NKAIN3: variants seen among roughly 807,000 people sequenced by gnomAD.
NKAIN3 encodes the protein sodium/potassium-transporting ATPase subunit beta-1-interacting protein 3.
In NKAIN3, 25 loss-of-function variants were observed where a neutral mutation model predicts 30.2. The observed-to-expected ratio is 0.83, with a 90% CI of 0.60 to 1.16. NKAIN3 has a LOEUF of 1.16. Among genes scored for constraint, NKAIN3 ranks in the 50% most tolerant of loss-of-function variants. The probability of loss-of-function intolerance (pLI) is 0.00; values close to 1 mark genes in which losing one functional copy is unlikely to be tolerated. For synonymous variants in NKAIN3, 91 were observed against 89.6 expected (o/e 1.02, Z -0.09); for missense variants, 225 against 254.1 (o/e 0.89, Z 0.78).
At chr8:62,783,531 A>G (rs1352111935) in intron 4 of NKAIN3, among the ~76,000 whole-genome samples, 1 of 152,038 alleles carries the variant, frequency 6.6e-6, no homozygotes, top group Non-Finnish European at 1.5e-5. Context: ...AGACCTCCAC[A>G]ACACTAGCAA....
chr8:62,859,468 T>C lies in NKAIN3; in HGVS notation c.472-58985T>C, dbSNP rs556284101. On this transcript the variant is annotated intron_variant, in intron 4 of 6. Coordinates refer to ENST00000623646, the MANE Select transcript of NKAIN3 (RefSeq NM_001304533.3). ...CCTGCACCAGCCATCCTATCTATTC[T>C]TAGTAACCCAGATAACTTTTTCTAT... Among the ~76,000 whole-genome samples the C allele has an allele frequency of 2.3e-5, 3 of 127,906 alleles. No homozygotes were observed. The South Asian group carries it at 8.3e-4, about 35-fold the overall frequency. The allele number at this position is 127,906 out of a possible 152,430, so 83.9% of individuals were successfully genotyped here.
chr8:62,853,158 T>G (rs962879526), intron 4 of NKAIN3, among the ~76,000 whole-genome samples: 2 of 152,212 alleles, frequency 1.3e-5, no homozygotes, highest in African/African-American at 2.4e-5. Context: ...TGCATATATA[T>G]GTAGAATAGT....
chr8:62,717,662 ATTTG>A (rs1280281595), intron 3 of NKAIN3, among the ~76,000 whole-genome samples: 5 of 152,162 alleles, frequency 3.3e-5, no homozygotes, highest in Admixed American at 6.5e-5. Flanking sequence ...TAGTTTTATT[ATTTG>A]TTATGTATGT....
At chr8:62,839,314 A>C (rs1819462406) in intron 4 of NKAIN3, among the ~76,000 whole-genome samples, 1 of 151,940 alleles carries the variant, frequency 6.6e-6, no homozygotes. Flanking sequence ...AAAAAAAAAA[A>C]AACAAAAACG....
chr8:62,526,844 G>T (rs548372197), intron 1 of NKAIN3, among the ~76,000 whole-genome samples: 1 of 152,056 alleles, frequency 6.6e-6, no homozygotes, highest in Non-Finnish European at 1.5e-5. Context: ...GGCTTAGCCC[G>T]CAGCGATCAG....
At chr8:62,600,207 G>T (rs1810948919) in intron 3 of NKAIN3, among the ~76,000 whole-genome samples, 1 of 151,968 alleles carries the variant, frequency 6.6e-6, no homozygotes, top group Non-Finnish European at 1.5e-5. Flanking sequence ...TAGTCTTAGA[G>T]AATTTTCAAT....
intron 1 of NKAIN3, among the ~76,000 whole-genome samples, chr8:62,560,650 C>A (rs1290036722): frequency 1.3e-5 from 2 of 150,102 alleles, no homozygotes; most frequent in Non-Finnish European, 3.0e-5. Context: ...AGCAATTCTC[C>A]TGCCTCAGCC....
At chr8:62,923,634 A>T (rs150228366) in intron 5 of NKAIN3, among the ~76,000 whole-genome samples, 2 of 152,336 alleles carry the variant, frequency 1.3e-5, no homozygotes, top group East Asian at 3.9e-4. Flanking sequence ...AAACTCCTGG[A>T]CAAGACACTG....
chr8:62,526,243 G>A (rs1209050108), intron 1 of NKAIN3, among the ~76,000 whole-genome samples: 1 of 151,912 alleles, frequency 6.6e-6, no homozygotes, highest in Non-Finnish European at 1.5e-5. Flanking sequence ...ATATTTCAAG[G>A]GTTATTACAA....
chr8:62,855,264 G>C (rs1253959575), intron 4 of NKAIN3: 1 of 470,636 alleles, frequency 2.1e-6, no homozygotes, highest in East Asian at 4.4e-5. Context: ...CTGCCAGCCT[G>C]GCCACAGTGT....
intron 6 of NKAIN3, among the ~76,000 whole-genome samples, chr8:62,959,962 G>A (rs1823525362): frequency 6.6e-6 from 1 of 152,042 alleles, no homozygotes; most frequent in Non-Finnish European, 1.5e-5. Context: ...AGGACTCGTT[G>A]CTTTCTCTAG....
At chr8:62,272,915 A>C (rs900492) in intron 1 of NKAIN3, among the ~76,000 whole-genome samples, 100,181 of 152,112 alleles carry the variant, frequency 0.66, 33,278 homozygotes, top group African/African-American at 0.74. Context: ...TCAGTCTGAG[A>C]ATCCATCATT....
At chr8:62,535,257 T>A (rs767062707) in intron 1 of NKAIN3, among the ~76,000 whole-genome samples, 2 of 152,290 alleles carry the variant, frequency 1.3e-5, no homozygotes, top group Non-Finnish European at 2.9e-5. Context: ...ACTCTCTCTG[T>A]GTTTTCTATT....
At chr8:62,870,275 T>G (rs1820579517) in intron 4 of NKAIN3, among the ~76,000 whole-genome samples, 1 of 95,344 alleles carries the variant, frequency 1.0e-5, no homozygotes, top group African/African-American at 3.8e-5. Flanking sequence ...TATATAGATA[T>G]ATATAAATAT....
At chr8:62,320,253 T>C (rs2129589332) in intron 1 of NKAIN3, among the ~76,000 whole-genome samples, 1 of 152,332 alleles carries the variant, frequency 6.6e-6, no homozygotes, top group Admixed American at 6.5e-5. Context: ...GTTTCCTGAA[T>C]ACAGCGCACT....
chr8:62,541,489 T>C (rs886927600), intron 1 of NKAIN3, among the ~76,000 whole-genome samples: 4 of 152,160 alleles, frequency 2.6e-5, no homozygotes, highest in African/African-American at 4.8e-5. Flanking sequence ...TTTGGAGTAA[T>C]TTTCATTCAT....
At chr8:62,939,394 A>T (rs956273483) in intron 5 of NKAIN3, among the ~76,000 whole-genome samples, 1 of 152,164 alleles carries the variant, frequency 6.6e-6, no homozygotes, top group Non-Finnish European at 1.5e-5. Flanking sequence ...AATACAAAAA[A>T]CTCAAAGAAT....
intron 2 of NKAIN3, among the ~76,000 whole-genome samples, chr8:62,586,229 TCA>T (rs1172665386): frequency 6.6e-6 from 1 of 152,152 alleles, no homozygotes; most frequent in Non-Finnish European, 1.5e-5. Context: ...CATTCTTGAG[TCA>T]CTGCTCAACA....
intron 1 of NKAIN3, among the ~76,000 whole-genome samples, chr8:62,312,121 C>T (rs1277918503): frequency 6.6e-6 from 1 of 150,384 alleles, no homozygotes; most frequent in Non-Finnish European, 1.5e-5. Context: ...GTCAACATGA[C>T]TTCAAAGAGA....
Sources: gnomAD v4.1 joint callset for allele counts (sites outside exome capture counted in the v4.1 genomes callset) on GRCh38, gnomAD v4.1.1 for gene constraint, MANE v1.5 for transcripts, NCBI Gene and HGNC (gene_info 2026-07-23, HGNC 2026-07-21) for gene names.